PLXDC1: variants seen among roughly 807,000 people sequenced by gnomAD.
The protein encoded by PLXDC1 is plexin domain containing 1.
In PLXDC1, 39 loss-of-function variants were observed where a neutral mutation model predicts 61.3. The ratio of observed to expected loss-of-function variants is 0.64; its 90% confidence interval spans 0.49 to 0.83. The LOEUF is 0.83. Among genes scored for constraint, PLXDC1 ranks in the 40% least tolerant of loss-of-function variants. PLXDC1 has a pLI of 0.00. For missense variants in PLXDC1, 596 were observed against 666.5 expected (o/e 0.89, Z 1.17); for synonymous variants, 212 against 254.5 (o/e 0.83, Z 1.59).
In PLXDC1 at chr17:39,109,384, T is replaced by C. The variant is rs1910715834; in HGVS notation, c.263A>G (p.Asn88Ser). The change falls in exon 3 of 14, where the codon AAC (asparagine) becomes AGC (serine). Residue 88 changes from asparagine (N) to serine (S), a missense_variant. By Grantham distance (46) the Asn-to-Ser change is conservative (BLOSUM62 1). Coordinates refer to ENST00000315392, the MANE Select transcript of PLXDC1 (RefSeq NM_020405.5). The stretch of plus-strand genomic sequence containing the variant: ...GAGACGGGACACATAATAGCTGTGG[T>C]TGTCCTCCTGCCGGCACCCAAGATA... ...PDNRTRVVED[N>S]HSYYVSRLYG... The C allele has an allele frequency of 6.3e-7, 1 of 1,591,132 alleles. No individual in the cohort carries two copies. Among genetic ancestry groups the C allele is most frequent in the Admixed American group, 1.8e-5 (1 of 55,082 alleles).
At chr17:39,110,158 C>T (rs2143693183) in intron 2 of PLXDC1, among the ~76,000 whole-genome samples, 1 of 152,132 alleles carries the variant, frequency 6.6e-6, no homozygotes, top group South Asian at 2.1e-4. Flanking sequence ...TCTTAGAAGG[C>T]ACCAGTCTAA....
At chr17:39,068,388 C>A (rs1370482253) in intron 13 of PLXDC1, among the ~76,000 whole-genome samples, 1 of 152,154 alleles carries the variant, frequency 6.6e-6, no homozygotes, top group African/African-American at 2.4e-5. Flanking sequence ...TATTAAAATG[C>A]AGATTCTGGC....
intron 11 of PLXDC1, among the ~76,000 whole-genome samples, chr17:39,076,958 C>CGCCTGACCTCGTGA (rs1909361876): frequency 2.0e-5 from 3 of 152,146 alleles, no homozygotes; most frequent in Non-Finnish European, 4.4e-5. Flanking sequence ...TGGTCTCGAA[C>CGCCTGACCTCGTGA]TCCTGACCTC....
intron 2 of PLXDC1, among the ~76,000 whole-genome samples, chr17:39,122,978 G>A (rs1911211802): frequency 6.6e-6 from 1 of 152,148 alleles, no homozygotes; most frequent in Admixed American, 6.5e-5. Context: ...TTCCTTTTCT[G>A]CCACCCTCAC....
At chr17:39,079,488 G>A in intron 9 of PLXDC1, 1 of 480,482 alleles carries the variant, frequency 2.1e-6, no homozygotes, top group Non-Finnish European at 4.1e-6. Flanking sequence ...TGAGAATCCA[G>A]GCAATTCACA....
intron 13 of PLXDC1, among the ~76,000 whole-genome samples, chr17:39,069,142 A>G (rs1370534890): frequency 6.6e-6 from 1 of 152,084 alleles, no homozygotes; most frequent in Non-Finnish European, 1.5e-5. Context: ...GGTCTCCTCT[A>G]TTGCCCAGGT....
chr17:39,087,680 A>C lies in PLXDC1; in HGVS notation c.834T>G (p.Phe278Leu). The change falls in exon 8 of 14, where the codon TTT (phenylalanine) becomes TTG (leucine). Residue 278 changes from phenylalanine to leucine, a missense_variant. Physicochemically the swap from Phe to Leu is conservative, Grantham distance 22. Coordinates refer to ENST00000315392, the MANE Select transcript of PLXDC1 (RefSeq NM_020405.5). The part of the protein sequence containing the change: ...DVPESRRRSI[F>L]EYHRIELDPS... The stretch of plus-strand genomic sequence containing the variant: ...GGTCCAGCTCTATGCGGTGATATTC[A>C]AAGATGCTCCTTCGCCGAGATTCTG... 1 of 1,613,926 alleles carries C rather than the reference A, an allele frequency of 6.2e-7. No individual in the cohort carries two copies. Among genetic ancestry groups the C allele is most frequent in the Non-Finnish European group, 8.5e-7 (1 of 1,179,860 alleles).
chr17:39,100,806 C>G (rs1328921316), intron 7 of PLXDC1, among the ~76,000 whole-genome samples: 1 of 152,214 alleles, frequency 6.6e-6, no homozygotes, highest in Non-Finnish European at 1.5e-5. Flanking sequence ...AGCCATGGAG[C>G]CAGGTCCTGG....
chr17:39,142,387 C>T (rs996621328), intron 1 of PLXDC1, among the ~76,000 whole-genome samples: 2 of 152,212 alleles, frequency 1.3e-5, no homozygotes, highest in African/African-American at 4.8e-5. Flanking sequence ...GATCAATAAG[C>T]AATGTCTGCC....
chr17:39,079,034 GC>G, intron 10 of PLXDC1, 69 bp downstream of exon 10: 1 of 1,204,822 alleles, frequency 8.3e-7, no homozygotes, highest in Non-Finnish European at 1.2e-6. Flanking sequence ...CCAGGGGCAG[GC>G]CCTACTGGCT....
intron 7 of PLXDC1, 108 bp downstream of exon 7, chr17:39,105,746 T>A: frequency 3.0e-6 from 2 of 672,470 alleles, no homozygotes; most frequent in Non-Finnish European, 5.3e-6. Flanking sequence ...CTCTCAACTC[T>A]CTGCCCCTTG....
intron 6 of PLXDC1, among the ~76,000 whole-genome samples, chr17:39,106,875 C>G (rs931514140): frequency 5.9e-5 from 9 of 151,884 alleles, no homozygotes; most frequent in Non-Finnish European, 8.8e-5. Flanking sequence ...TGGTCTCGAA[C>G]TCCTGAGCTC....
chr17:39,152,676 G>A (rs1400542634), upstream of PLXDC1: 7 of 1,234,240 alleles, frequency 5.7e-6, no homozygotes, highest in South Asian at 1.6e-4. Flanking sequence ...AACGCTGAGC[G>A]CCATTGGAGA....
chr17:39,121,062 A>G (rs147550916), intron 2 of PLXDC1, among the ~76,000 whole-genome samples: 25 of 152,058 alleles, frequency 1.6e-4, no homozygotes, highest in African/African-American at 5.5e-4. Context: ...TCTGGTCTCA[A>G]ACTCCTGGAC....
chr17:39,148,883 C>T (rs1413600433), intron 1 of PLXDC1, among the ~76,000 whole-genome samples: 5 of 152,118 alleles, frequency 3.3e-5, no homozygotes, highest in South Asian at 4.1e-4. Context: ...ATTTTATAGA[C>T]GGGGAAACCT....
Position 39,105,857 on chromosome 17 carries a change from G to A in PLXDC1, c.808C>T (p.Pro270Ser), listed in dbSNP as rs1470021736. 1.2e-6 allele frequency: 2 copies of A among 1,608,570 alleles called. No homozygotes were observed. The highest frequency in any genetic ancestry group is 1.7e-6 in the Non-Finnish European group (2 of 1,175,324). The change falls in exon 7 of 14, where the codon CCA becomes TCA. Residue 270 changes from proline to serine, a missense_variant. Pro to Ser is a moderately conservative substitution (Grantham distance 74, BLOSUM62 -1). Transcript: ENST00000315392. ...TGCGGGGTCCCTGAAGACTCACCTG[G>A]CACATCCGGGGATGGATTGAGAATC... ...FMILNPSPDVPESRRRSIFEY... is the reference protein window; with the variant it reads ...FMILNPSPDVSESRRRSIFEY...
At chr17:39,098,507 A>G (rs575529130) in intron 7 of PLXDC1, among the ~76,000 whole-genome samples, 1 of 152,334 alleles carries the variant, frequency 6.6e-6, no homozygotes, top group South Asian at 2.1e-4. Context: ...CACTGGGCTC[A>G]CTGCTGGGGG....
At chr17:39,135,498 G>T (rs1267207094) in intron 2 of PLXDC1, among the ~76,000 whole-genome samples, 1 of 151,970 alleles carries the variant, frequency 6.6e-6, no homozygotes, top group South Asian at 2.1e-4. Flanking sequence ...CCAACATGGT[G>T]AAACCCCATC....
intron 2 of PLXDC1, 43 bp downstream of exon 2, chr17:39,139,611 C>A: frequency 1.3e-6 from 2 of 1,530,382 alleles, no homozygotes; most frequent in East Asian, 2.3e-5. Context: ...GAGACCTCCC[C>A]CACCCCCACT....
Sources: allele counts gnomAD v4.1 joint callset (sites outside exome capture counted in the v4.1 genomes callset), GRCh38; gene constraint gnomAD v4.1.1; transcripts MANE v1.5; gene names NCBI Gene and HGNC (gene_info 2026-07-23, HGNC 2026-07-21).